ADAM22: variants seen among roughly 807,000 people sequenced by gnomAD.
ADAM22 encodes the protein disintegrin and metalloproteinase domain-containing protein 22.
A neutral mutation model predicts 144.6 loss-of-function variants in ADAM22; 65 were observed. The observed-to-expected ratio is 0.45, with a 90% CI of 0.37 to 0.55. The LOEUF is 0.55. ADAM22 is among the 20% of genes least tolerant of loss of function. ADAM22 has a pLI of 0.00. For missense variants in ADAM22, 974 were observed against 1,184.9 expected, an observed-to-expected ratio of 0.82 and a Z score of 2.61; for synonymous variants, 391 against 412.6, an observed-to-expected ratio of 0.95 and a Z score of 0.63.
intron 3 of ADAM22, among the ~76,000 whole-genome samples, chr7:88,027,185 A>G (rs1799199425): frequency 6.6e-6 from 1 of 151,826 alleles, no homozygotes; most frequent in African/African-American, 2.4e-5. Flanking sequence ...GTTGGCCTGT[A>G]TTTTTCTTTT....
intron 23 of ADAM22, among the ~76,000 whole-genome samples, chr7:88,163,486 C>A (rs1232525489): frequency 6.6e-6 from 1 of 151,832 alleles, no homozygotes; most frequent in Admixed American, 6.6e-5. Context: ...TTTTAACAAA[C>A]TATAATGGGA....
chr7:88,025,724 A>G (rs1480332321), intron 3 of ADAM22, among the ~76,000 whole-genome samples: 7 of 152,078 alleles, frequency 4.6e-5, no homozygotes, highest in Admixed American at 1.3e-4. Context: ...ACATTGGTCT[A>G]TTTGTCTGTT....
chr7:87,984,517 A>G (rs1854475773), intron 3 of ADAM22, among the ~76,000 whole-genome samples: 1 of 152,202 alleles, frequency 6.6e-6, no homozygotes, highest in African/African-American at 2.4e-5. Context: ...ACTTTGAGAA[A>G]TTATAGTTTT....
chr7:87,998,031 G>A (rs1319860831), intron 3 of ADAM22, among the ~76,000 whole-genome samples: 5 of 152,196 alleles, frequency 3.3e-5, no homozygotes, highest in African/African-American at 1.2e-4. Context: ...AACCACTGGT[G>A]TATGTCCAAG....
At chr7:87,990,214 G>C (rs985663300) in intron 3 of ADAM22, among the ~76,000 whole-genome samples, 19 of 152,188 alleles carry the variant, frequency 1.2e-4, no homozygotes, top group African/African-American at 4.6e-4. Flanking sequence ...CAGTGATACA[G>C]TGTGTAAAGG....
chr7:88,185,773 A>T (rs935011619), intron 29 of ADAM22: 3 of 152,190 alleles, frequency 2.0e-5, no homozygotes, highest in Non-Finnish European at 4.4e-5. Flanking sequence ...TTCTGATGGA[A>T]ACATTGCCAG....
At chr7:88,133,234 G>A (rs1832227120) in intron 12 of ADAM22, among the ~76,000 whole-genome samples, 1 of 151,870 alleles carries the variant, frequency 6.6e-6, no homozygotes. Context: ...GTGGTAGCGT[G>A]TGCCTGTAGC....
At chr7:88,192,157 A>G (rs949978697) in intron 30 of ADAM22, among the ~76,000 whole-genome samples, 12 of 152,206 alleles carry the variant, frequency 7.9e-5, no homozygotes, top group African/African-American at 2.4e-4. Context: ...ACTGAAATAA[A>G]CACTTTTGCT....
At chr7:88,031,548 A>T (rs10952906) in intron 3 of ADAM22, among the ~76,000 whole-genome samples, 60,564 of 152,120 alleles carry the variant, frequency 0.4, 13,363 homozygotes, top group East Asian at 0.59. Flanking sequence ...AACTTGAAAG[A>T]GATGATTTAG....
chr7:88,015,828 A>C (rs1796428510), intron 3 of ADAM22, among the ~76,000 whole-genome samples: 1 of 152,042 alleles, frequency 6.6e-6, no homozygotes, highest in South Asian at 2.1e-4. Context: ...CAGAGGCATT[A>C]TTGTGTTTTC....
Position 88,080,066 on chromosome 7 carries a change from A to T in ADAM22, c.390+4374A>T, listed in dbSNP as rs539600719. ...TACATTCTTTTCAGCACCACAGCAC[A>T]CCTATTCCAAAATTGACCACATAGT... On this transcript the variant is annotated intron_variant, in intron 4 of 31. Coordinates refer to ENST00000413139, the MANE Select transcript of ADAM22 (RefSeq NM_001324418.2). Among the ~76,000 whole-genome samples the T allele has an allele frequency of 5.3e-5, 8 of 152,280 alleles. No individual in the cohort carries two copies. In the South Asian group the frequency reaches 1.7e-3, roughly 32 times the overall value.
chr7:88,087,997 GGCC>G (rs1336786939), intron 4 of ADAM22, among the ~76,000 whole-genome samples: 1 of 152,120 alleles, frequency 6.6e-6, no homozygotes, highest in Non-Finnish European at 1.5e-5. Flanking sequence ...AAGGAGTGCG[GGCC>G]ACCATTGAAG....
chr7:87,939,474 C>T (rs73200359), intron 2 of ADAM22, among the ~76,000 whole-genome samples: 2 of 152,176 alleles, frequency 1.3e-5, no homozygotes, highest in Non-Finnish European at 2.9e-5. Context: ...TCAGATAATC[C>T]TAATTGTTAG....
intron 25 of ADAM22, chr7:88,168,465 C>A (rs552653889): frequency 3.1e-4 from 165 of 529,462 alleles, no homozygotes; most frequent in Non-Finnish European, 5.1e-4. Flanking sequence ...ATTTAAAAAT[C>A]CTTGAAGTGA....
intron 3 of ADAM22, among the ~76,000 whole-genome samples, chr7:88,067,638 C>T (rs541332627): frequency 6.6e-6 from 1 of 152,228 alleles, no homozygotes; most frequent in South Asian, 2.1e-4. Context: ...TCTGATTCTG[C>T]TGCAAAGCCG....
chr7:88,038,693 T>G (rs1802151092), intron 3 of ADAM22, among the ~76,000 whole-genome samples: 2 of 151,938 alleles, frequency 1.3e-5, no homozygotes, highest in Admixed American at 6.6e-5. Flanking sequence ...GACCTCGTGA[T>G]CCGCCCGTCT....
chr7:88,096,304 TTA>T (rs1821288999), intron 4 of ADAM22, among the ~76,000 whole-genome samples: 1 of 151,940 alleles, frequency 6.6e-6, no homozygotes, highest in Non-Finnish European at 1.5e-5. Flanking sequence ...ATTTCTGCTC[TTA>T]CTTTTGTAAT....
At chr7:87,971,114 A>G (rs987938276) in intron 2 of ADAM22, among the ~76,000 whole-genome samples, 1 of 152,172 alleles carries the variant, frequency 6.6e-6, no homozygotes, top group Non-Finnish European at 1.5e-5. Context: ...GGTTGTTATC[A>G]AATTGGCCTT....
chr7:87,956,457 T>C (rs1846776434), intron 2 of ADAM22, among the ~76,000 whole-genome samples: 1 of 152,250 alleles, frequency 6.6e-6, no homozygotes, highest in Non-Finnish European at 1.5e-5. Flanking sequence ...TATTGAGATA[T>C]AATTCACACA....
Sources: gnomAD v4.1 joint callset for allele counts (sites outside exome capture counted in the v4.1 genomes callset) on GRCh38, gnomAD v4.1.1 for gene constraint, MANE v1.5 for transcripts, NCBI Gene and HGNC (gene_info 2026-07-23, HGNC 2026-07-21) for gene names.